ITSN1: variants seen among roughly 807,000 people sequenced by gnomAD.
ITSN1 encodes the protein intersectin 1.
In ITSN1, 58 loss-of-function variants were observed where a neutral mutation model predicts 239.8. That is an observed-to-expected ratio of 0.24 (90% CI 0.20 to 0.30). The LOEUF is 0.30. Among genes scored for constraint, ITSN1 ranks in the 10% least tolerant of loss-of-function variants. The probability of loss-of-function intolerance (pLI) is 1.00; values close to 1 mark genes in which losing one functional copy is unlikely to be tolerated. For missense variants in ITSN1, 1,558 were observed against 2,103.3 expected, an observed-to-expected ratio of 0.74 and a Z score of 5.07; for synonymous variants, 780 against 770.8, an observed-to-expected ratio of 1.01 and a Z score of -0.20.
chr21:33,668,122 G>C (rs151281238), intron 1 of ITSN1, among the ~76,000 whole-genome samples: 1 of 152,312 alleles, frequency 6.6e-6, no homozygotes, highest in African/African-American at 2.4e-5. Flanking sequence ...GGAGCAAGAT[G>C]CATTTTCACA....
chr21:33,798,656 T>C (rs546538449), intron 18 of ITSN1, among the ~76,000 whole-genome samples: 5 of 152,310 alleles, frequency 3.3e-5, no homozygotes, highest in African/African-American at 1.2e-4. Context: ...GCTTCTTTAG[T>C]GCTTCAGTAT....
In ITSN1 at chr21:33,856,784, A is replaced by G. The variant is rs1162793857; in HGVS notation, c.3710A>G (p.Lys1237Arg). ...LLDMLTPTER[K>R]RQGYIHELIV... is the part of the protein sequence containing the mutation. ...GATATGTTGACCCCAACTGAAAGAA[A>G]GCGACAAGGATACATCCACGAGCTC... The change falls in exon 30 of 40, where the codon AAG becomes AGG. Residue 1237 changes from lysine (K) to arginine (R), a missense_variant. Physicochemically the swap from Lys to Arg is conservative, Grantham distance 26. Around this residue, in one of 2 missense-constraint regions of ITSN1, gnomAD observed 576 missense variants for 893.3 expected, o/e 0.64. Transcript: ENST00000381318. 6.2e-7 allele frequency: 1 copy of G among 1,614,126 alleles called. No homozygotes were observed. Among genetic ancestry groups the G allele is most frequent in the Admixed American group, 1.7e-5 (1 of 60,020 alleles).
intron 29 of ITSN1, among the ~76,000 whole-genome samples, chr21:33,842,697 C>T (rs938229292): frequency 1.3e-5 from 2 of 152,190 alleles, no homozygotes; most frequent in Non-Finnish European, 2.9e-5. Context: ...CTGCTTGGCA[C>T]GTCGCTTCTG....
intron 10 of ITSN1, 65 bp downstream of exon 10, chr21:33,766,077 T>C (rs1246507770): frequency 2.6e-6 from 4 of 1,556,664 alleles, no homozygotes; most frequent in Admixed American, 1.7e-5. Flanking sequence ...CTTGGCTTTA[T>C]TGACTATGTG....
Position 33,771,308 on chromosome 21 carries a change from A to G in ITSN1, c.1043-753A>G, listed in dbSNP as rs116783001. On this transcript the variant is annotated intron_variant, in intron 11 of 39. Transcript: ENST00000381318. Reference sequence around the variant, plus strand: ...AAGCAATGGTTCTTAGATGTGGACCAGGGACTGGCATGCTGCACAGGGTGG... The same window carrying G: ...AAGCAATGGTTCTTAGATGTGGACCGGGGACTGGCATGCTGCACAGGGTGG... Among the ~76,000 whole-genome samples the G allele has an allele frequency of 4.9e-3, 745 of 152,336 alleles. 3 individuals carry two copies. The highest frequency in any genetic ancestry group is 0.017 in the African/African-American group (702 of 41,574).
rs992454805 is a variant in ITSN1, at chr21:33,899,285, C to G, written c.*10985C>G. ...TGGAAAAGAATGTAATCCATCAGAA[C>G]GTGAGCTCCTTGTGCTTCCAGTGAC... is the stretch of plus-strand genomic sequence containing the variant. On this transcript the variant is annotated 3_prime_UTR_variant, in exon 40 of 40. Coordinates refer to ENST00000381318, the MANE Select transcript of ITSN1 (RefSeq NM_003024.3). 6.6e-6 allele frequency: 1 copy of G among 152,228 alleles called. No homozygotes were observed. Among genetic ancestry groups the G allele is most frequent in the Non-Finnish European group, 1.5e-5 (1 of 68,050 alleles). 9.4% of individuals were successfully genotyped at this position (152,228 alleles called of 1,614,324 possible).
chr21:33,699,663 GA>G (rs1480414081), intron 1 of ITSN1, among the ~76,000 whole-genome samples: 2 of 152,214 alleles, frequency 1.3e-5, no homozygotes, highest in Admixed American at 6.5e-5. Flanking sequence ...AGGTTGTGGT[GA>G]ACTGAGATTG....
In ITSN1 at chr21:33,797,239, T is replaced by G; in HGVS notation, c.1953-140T>G. 3 of 664,042 alleles carry G rather than the reference T, an allele frequency of 4.5e-6. No individual in the cohort carries two copies. The East Asian group carries it at 7.7e-5, about 17-fold the overall frequency. 41.1% of individuals were successfully genotyped at this position (664,042 alleles called of 1,614,324 possible). On this transcript the variant is annotated intron_variant, in intron 17 of 39. Transcript: ENST00000381318. The surrounding 1 kb of genome is among the most constrained non-coding windows in gnomAD (Gnocchi z 4.9). ...TCTCATTCAGAACTGGAGCCCTGAT[T>G]CAGTTGCCCCATCTGAACAACAATG...
At chr21:33,657,334 GT>G (rs1278801270) in intron 1 of ITSN1, among the ~76,000 whole-genome samples, 1 of 152,060 alleles carries the variant, frequency 6.6e-6, no homozygotes, top group African/African-American at 2.4e-5. Flanking sequence ...TTTCCTCTTA[GT>G]TTCATTTCTT....
chr21:33,693,388 C>T (rs1283379133), intron 1 of ITSN1, among the ~76,000 whole-genome samples: 2 of 151,058 alleles, frequency 1.3e-5, no homozygotes, highest in Non-Finnish European at 3.0e-5. Flanking sequence ...TGGAGTTTTA[C>T]TCTTATTGTC....
At chr21:33,658,133 G>A (rs1290258371) in intron 1 of ITSN1, among the ~76,000 whole-genome samples, 1 of 152,042 alleles carries the variant, frequency 6.6e-6, no homozygotes, top group Non-Finnish European at 1.5e-5. Context: ...CAATAAACTA[G>A]AGAAAGGAAA....
chr21:33,715,580 CTATACA>C (rs2065085712), intron 1 of ITSN1, among the ~76,000 whole-genome samples: 1 of 152,080 alleles, frequency 6.6e-6, no homozygotes, highest in African/African-American at 2.4e-5. Context: ...TCAAGGTTGC[CTATACA>C]ATATATTGAA....
At chr21:33,809,118 A>C (rs2072703018) in intron 20 of ITSN1, among the ~76,000 whole-genome samples, 1 of 152,252 alleles carries the variant, frequency 6.6e-6, no homozygotes, top group East Asian at 1.9e-4. Context: ...CTAGAGAAAC[A>C]GTTGGGGCTG....
intron 1 of ITSN1, among the ~76,000 whole-genome samples, chr21:33,649,791 C>T (rs1244489283): frequency 2.0e-5 from 3 of 151,476 alleles, no homozygotes; most frequent in Non-Finnish European, 2.9e-5. Context: ...CCGAGGTGTG[C>T]GGATCATGAG....
chr21:33,666,378 A>ATGAT (rs1277811784), intron 1 of ITSN1, among the ~76,000 whole-genome samples: 1 of 152,206 alleles, frequency 6.6e-6, no homozygotes, highest in Non-Finnish European at 1.5e-5. Flanking sequence ...GCACAACTTC[A>ATGAT]TGATTGTCTG....
intron 8 of ITSN1, among the ~76,000 whole-genome samples, chr21:33,756,188 T>A (rs530940962): frequency 1.4e-5 from 2 of 148,062 alleles, no homozygotes; most frequent in Admixed American, 1.4e-4. Context: ...TAATCCCAGC[T>A]ACTGAGGCAG....
chr21:33,665,008 T>C (rs2089833460), intron 1 of ITSN1, among the ~76,000 whole-genome samples: 1 of 152,202 alleles, frequency 6.6e-6, no homozygotes, highest in Admixed American at 6.5e-5. Context: ...CTCACTACTG[T>C]AATCCCAGCA....
chr21:33,659,885 A>T (rs2146247576), intron 1 of ITSN1, among the ~76,000 whole-genome samples: 1 of 151,366 alleles, frequency 6.6e-6, no homozygotes, highest in East Asian at 1.9e-4. Context: ...ACACCTGGCT[A>T]ATTTAAAAAA....
At chr21:33,687,067 A>C (rs926521461) in intron 1 of ITSN1, among the ~76,000 whole-genome samples, 1 of 152,162 alleles carries the variant, frequency 6.6e-6, no homozygotes, top group Non-Finnish European at 1.5e-5. Flanking sequence ...ACGGTGGCCC[A>C]TGCCTGTAAT....
Sources: allele counts gnomAD v4.1 joint callset (sites outside exome capture counted in the v4.1 genomes callset), GRCh38; gene constraint gnomAD v4.1.1; regional missense constraint gnomAD v4.1.1; non-coding constraint Gnocchi (gnomAD v3.1); transcripts MANE v1.5; gene names NCBI Gene and HGNC (gene_info 2026-07-23, HGNC 2026-07-21).